The following MYB variants were observed in gnomAD, a reference collection of about 807,000 sequenced individuals.
MYB encodes MYB proto-oncogene, transcription factor, also known as transcriptional activator Myb.
Under a neutral mutation model 92.9 loss-of-function variants are expected in MYB, and 28 were observed. That is an observed-to-expected ratio of 0.30 (90% CI 0.22 to 0.41). The LOEUF is 0.41. MYB is among the 10% of genes least tolerant of loss of function. The pLI, the probability that MYB is intolerant of heterozygous loss-of-function variation, is 1.00. For missense variants in MYB, 679 were observed against 929.3 expected (o/e 0.73, Z 3.50); for synonymous variants, 295 against 329.1 (o/e 0.90, Z 1.12).
chr6:135,184,639 T>A (rs1775683080), intron 1 of MYB, among the ~76,000 whole-genome samples: 1 of 152,186 alleles, frequency 6.6e-6, no homozygotes, highest in African/African-American at 2.4e-5. Context: ...GCACTTCAGC[T>A]TCACTTGTAG....
intron 15 of MYB, among the ~76,000 whole-genome samples, chr6:135,212,224 C>CTTTTTTTTT (rs545704827): frequency 0.02 from 655 of 32,944 alleles, 24 homozygotes; most frequent in Middle Eastern, 0.045. Context: ...TTTGGTTTTA[C>CTTTTTTTTT]TTTTTTTTTT....
In MYB at chr6:135,187,815, T is replaced by C; in HGVS notation, c.142-19T>C. 6.4e-7 allele frequency: 1 copy of C among 1,563,710 alleles called. No individual in the cohort carries two copies. Among genetic ancestry groups the C allele is most frequent in the South Asian group, 1.2e-5 (1 of 86,706 alleles). ...ATAGTAAATAACTGATATCCTAGGA[T>C]TACCTTTAAATGTCTTAGGATGAAA... is the stretch of plus-strand genomic sequence containing the variant. On this transcript the variant is annotated intron_variant, in intron 2 of 15. Transcript: ENST00000341911.
At chr6:135,215,292 G>A (rs890322850) in intron 15 of MYB, among the ~76,000 whole-genome samples, 5 of 152,188 alleles carry the variant, frequency 3.3e-5, no homozygotes, top group Non-Finnish European at 7.3e-5. Flanking sequence ...CCCCATCTCA[G>A]CACTTTCCTG....
At chr6:135,196,775 G>A (rs1386177236) in intron 9 of MYB, 186 bp from the exon 10 acceptor site, 2 of 1,539,054 alleles carry the variant, frequency 1.3e-6, no homozygotes, top group East Asian at 2.4e-5. Flanking sequence ...CCAGCCTTGA[G>A]GCAGCCCACT....
intron 15 of MYB, among the ~76,000 whole-genome samples, chr6:135,208,843 C>T (rs1779340564): frequency 6.6e-6 from 1 of 151,880 alleles, no homozygotes; most frequent in South Asian, 2.1e-4. Flanking sequence ...TTAAATTTTC[C>T]CATTAATCCA....
In MYB at chr6:135,211,042, AAT is replaced by A. The variant is rs1779635807; in HGVS notation, c.2170-6820_2170-6819del. Reference sequence around the variant, plus strand: ...AGAGCTGATTCAACTGATTCCTTGAAATAAAGGTAGTCAGACCTCGCGGTATG... The same window carrying A: ...AGAGCTGATTCAACTGATTCCTTGAAAAAGGTAGTCAGACCTCGCGGTATG... On this transcript the variant is annotated intron_variant, in intron 15 of 15. Transcript: ENST00000341911. Among the ~76,000 whole-genome samples the A allele has an allele frequency of 3.9e-5, 6 of 152,072 alleles. No individual in the cohort carries two copies. In the South Asian group the frequency reaches 1.2e-3, roughly 32 times the overall value.
In MYB at chr6:135,194,545, C is replaced by T. The variant is rs924437630; in HGVS notation, c.948+85C>T. On this transcript the variant is annotated intron_variant, in intron 8 of 15. Transcript: ENST00000341911. The stretch of plus-strand genomic sequence containing the variant: ...GCGCTCTTCTCTTCTAAATATTACA[C>T]TTAGCAAGGCTCCATATATCCATTC... 3.3e-6 allele frequency: 3 copies of T among 902,456 alleles called. No homozygotes were observed. The African/African-American group carries it at 5.0e-5, about 15-fold the overall frequency. The allele number at this position is 902,456 out of a possible 1,614,324, so 55.9% of individuals were successfully genotyped here.
chr6:135,212,183 A>G (rs1418256673), intron 15 of MYB, among the ~76,000 whole-genome samples: 1 of 151,028 alleles, frequency 6.6e-6, no homozygotes, highest in Non-Finnish European at 1.5e-5. Context: ...AACAAAACAC[A>G]ATAAAAACAT....
Position 135,203,344 on chromosome 6 carries a change from T to C in MYB, c.2169+20T>C. Reference sequence around the variant, plus strand: ...TTGCAGGTAATTACTATTCCAACATTGGTATTTTAAAATTCATTCACTGAA... The same window carrying C: ...TTGCAGGTAATTACTATTCCAACATCGGTATTTTAAAATTCATTCACTGAA... On this transcript the variant is annotated intron_variant, in intron 15 of 15. Transcript: ENST00000341911. 2.0e-6 allele frequency: 3 copies of C among 1,515,106 alleles called. No homozygotes were observed. The highest frequency in any genetic ancestry group is 1.8e-6 in the Non-Finnish European group (2 of 1,091,354). The allele number at this position is 1,515,106 out of a possible 1,614,324, so 93.9% of individuals were successfully genotyped here.
At chr6:135,201,586 C>T in intron 13 of MYB, 53 bp from the exon 14 acceptor site, 2 of 1,228,602 alleles carry the variant, frequency 1.6e-6, no homozygotes, top group Non-Finnish European at 2.4e-6. Flanking sequence ...CCTGACTGTA[C>T]ATGTTTCATA....
At chr6:135,194,316 T>C (rs1349156482) in intron 7 of MYB, 40 bp from the exon 8 acceptor site, 2 of 1,470,818 alleles carry the variant, frequency 1.4e-6, no homozygotes, top group Admixed American at 3.4e-5. Flanking sequence ...CAGCTTCCAA[T>C]CAGACCTTTG....
chr6:135,208,584 T>C (rs1223804939), intron 15 of MYB, among the ~76,000 whole-genome samples: 4 of 150,710 alleles, frequency 2.7e-5, no homozygotes, highest in African/African-American at 9.8e-5. Context: ...TCTCCCTGTG[T>C]TGCCCAGCCT....
rs1432351071 is a variant in MYB at position 135,201,667 on chromosome 6, ACTT to A, written c.1985_1987del (p.Phe662del). 5.0e-6 allele frequency: 8 copies of A among 1,604,524 alleles called. No individual in the cohort carries two copies. Among genetic ancestry groups the A allele is most frequent in the South Asian group, 1.1e-5 (1 of 90,216 alleles). ...GAATCTCCAACTGATAAATCAGGAA[ACTT>A]CTTCTGCTCACACCACTGGGAAGGG... On this transcript the variant is annotated inframe_deletion, in exon 14 of 16. Coordinates refer to ENST00000341911, the MANE Select transcript of MYB (RefSeq NM_001130173.2).
At chr6:135,186,719 A>G (rs1438717870) in intron 2 of MYB, among the ~76,000 whole-genome samples, 1 of 152,218 alleles carries the variant, frequency 6.6e-6, no homozygotes, top group Non-Finnish European at 1.5e-5. Context: ...ATGGAGACAC[A>G]TCTGCTTCTC....
At chr6:135,191,923 C>T (rs929272422) in intron 5 of MYB, among the ~76,000 whole-genome samples, 3 of 152,198 alleles carry the variant, frequency 2.0e-5, no homozygotes, top group African/African-American at 7.2e-5. Flanking sequence ...CCATGTCCCT[C>T]TCGTGGTGTG....
At chr6:135,213,097 C>T (rs911047908) in intron 15 of MYB, among the ~76,000 whole-genome samples, 43 of 152,264 alleles carry the variant, frequency 2.8e-4, no homozygotes, top group African/African-American at 9.9e-4. Context: ...AAGGAGCTGC[C>T]TCGCTCATGC....
chr6:135,197,862 T>G (rs1308592419), intron 10 of MYB, among the ~76,000 whole-genome samples: 1 of 152,230 alleles, frequency 6.6e-6, no homozygotes, highest in Admixed American at 6.5e-5. Context: ...GAACATATTT[T>G]TAATTTCAGT....
intron 11 of MYB, 92 bp from the exon 12 acceptor site, chr6:135,199,993 T>C (rs1777838091): frequency 3.1e-6 from 3 of 960,464 alleles, no homozygotes; most frequent in Non-Finnish European, 5.0e-6. Context: ...GAGTTTATTG[T>C]ATTCAGTGGA....
chr6:135,191,884 A>G (rs889300302), intron 5 of MYB, among the ~76,000 whole-genome samples: 6 of 152,306 alleles, frequency 3.9e-5, no homozygotes, highest in Middle Eastern at 3.4e-3. Flanking sequence ...ATTCTTCATC[A>G]GCAGCATCTT....
Sources: gnomAD v4.1 joint callset for allele counts (sites outside exome capture counted in the v4.1 genomes callset) on GRCh38, gnomAD v4.1.1 for gene constraint, MANE v1.5 for transcripts, NCBI Gene and HGNC (gene_info 2026-07-23, HGNC 2026-07-21) for gene names.